The following COCH variants were observed in gnomAD, a reference collection of about 807,000 sequenced individuals.
The protein encoded by COCH is coagulation factor C homolog, cochlin (Limulus polyphemus).
A neutral mutation model predicts 54.8 loss-of-function variants in COCH; 40 were observed. The observed-to-expected ratio is 0.73, with a 90% CI of 0.57 to 0.95. COCH has a LOEUF of 0.95. Ranked by LOEUF, COCH falls within the 40% of genes least tolerant of loss-of-function variation. The pLI, the probability that COCH is intolerant of heterozygous loss-of-function variation, is 0.00. For missense variants in COCH, 605 were observed against 675.0 expected (o/e 0.90, Z 1.15); for synonymous variants, 256 against 237.9 (o/e 1.08, Z -0.70).
intron 11 of COCH, 94 bp from the exon 12 acceptor site, chr14:30,889,522 C>T (rs1299808072): frequency 8.8e-7 from 1 of 1,132,476 alleles, no homozygotes; most frequent in African/African-American, 1.5e-5. Context: ...GTTTTCGCTG[C>T]AACTATGTAA....
At chr14:30,883,112 C>A (rs12889878) in intron 8 of COCH, among the ~76,000 whole-genome samples, 3,931 of 152,154 alleles carry the variant, frequency 0.026, 67 homozygotes, top group Middle Eastern at 0.058. Flanking sequence ...TTGTCTCTCA[C>A]CCTTAAAAAA....
chr14:30,874,969 C>T lies in COCH; in HGVS notation c.31C>T (p.Leu11Phe), dbSNP rs776423642. 6.2e-7 allele frequency: 1 copy of T among 1,613,440 alleles called. No homozygotes were observed. Among genetic ancestry groups the T allele is most frequent in the South Asian group, 1.1e-5 (1 of 91,084 alleles). Residue 11 changes from leucine to phenylalanine, a missense_variant, in exon 2 of 12, where the codon CTC (leucine) becomes TTC (phenylalanine). Physicochemically the swap from Leu to Phe is conservative, Grantham distance 22. Transcript: ENST00000396618. ...CGCAGCCTGGATCCCGGCTCTCGGC[C>T]TCGGTGGGTGCGCGCCCCTCACGAC... is the stretch of plus-strand genomic sequence containing the variant. MSAAWIPALG[L>F]GVCLLLLPGP...
rs1224247674 is a variant in COCH, at chr14:30,880,569, T to C, written c.482-18T>C. The stretch of plus-strand genomic sequence containing the variant: ...CTCTTGAGACTGCTAATGAGGGGAC[T>C]GGTTTGGTTGTTCGCAGATTGTAAA... On this transcript the variant is annotated intron_variant, in intron 7 of 11. Transcript: ENST00000396618. 1 of 1,614,068 alleles carries C rather than the reference T, an allele frequency of 6.2e-7. No homozygotes were observed. The highest frequency in any genetic ancestry group is 1.3e-5 in the African/African-American group (1 of 74,924).
chr14:30,893,127 ATTACAAACGGCAAAAACCACAATTTTT>A (rs1383760857), downstream of COCH, among the ~76,000 whole-genome samples: 1 of 139,574 alleles, frequency 7.2e-6, no homozygotes, highest in Non-Finnish European at 1.6e-5. Context: ...AAAAACCACA[ATTACAAACGGCAAAAACCACAATTTTT>A]TTTTTTTTTT....
At chr14:30,876,129 A>C (rs1379836581) in intron 3 of COCH, 6 of 152,198 alleles carry the variant, frequency 3.9e-5, no homozygotes, top group African/African-American at 1.2e-4. Context: ...TTGGAAAAAA[A>C]AGGTTTTTAA....
intron 8 of COCH, among the ~76,000 whole-genome samples, chr14:30,882,188 G>A (rs1227363686): frequency 5.0e-5 from 6 of 120,030 alleles, no homozygotes; most frequent in African/African-American, 1.9e-4. Context: ...GGAATGCAAT[G>A]GCACGATCTT....
downstream of COCH, chr14:30,895,094 G>GA (rs575478418): frequency 0.013 from 1,399 of 106,948 alleles, 4 homozygotes; most frequent in African/African-American, 0.022. Context: ...AAGAAGAAGA[G>GA]AAAAAAAAAA....
chr14:30,889,223 C>A, intron 11 of COCH: 1 of 246,086 alleles, frequency 4.1e-6, no homozygotes, highest in Non-Finnish European at 8.0e-6. Context: ...TGCAGGCCAA[C>A]CTCATACGGA....
At chr14:30,885,316 CAT>C in intron 9 of COCH, 76 bp from the exon 10 acceptor site, 1 of 1,252,570 alleles carries the variant, frequency 8.0e-7, no homozygotes, top group South Asian at 1.2e-5. Flanking sequence ...AACTTTGCAG[CAT>C]CAAATGCTAC....
At chr14:30,885,650 A>T in intron 10 of COCH, 30 bp downstream of exon 10, 1 of 1,479,158 alleles carries the variant, frequency 6.8e-7, no homozygotes, top group African/African-American at 1.4e-5. Flanking sequence ...CTTCTGTTAC[A>T]GTGATGGGTA....
At chr14:30,894,943 T>C (rs747450536), downstream of COCH, 3 of 1,102,276 alleles carry the variant, frequency 2.7e-6, no homozygotes, top group Non-Finnish European at 3.4e-6. Context: ...ATCTGTGGCA[T>C]TCAACCGATA....
At chr14:30,885,343 G>A (rs750198163) in intron 9 of COCH, 51 bp from the exon 10 acceptor site, 31 of 1,416,356 alleles carry the variant, frequency 2.2e-5, no homozygotes, top group Non-Finnish European at 2.9e-5. Context: ...AAACAGAAAT[G>A]TGGTTTGAGC....
Position 30,889,624 on chromosome 14 carries a change from A to G in COCH, c.1486A>G (p.Ile496Val). Residue 496 changes from isoleucine (I) to valine (V), a missense_variant, in exon 12 of 12, where the codon ATC becomes GTC. Physicochemically the swap from Ile to Val is conservative, Grantham distance 29. Coordinates refer to ENST00000396618, the MANE Select transcript of COCH (RefSeq NM_004086.3). ...AAATGTTTTCATTGTAGGAATCACT[A>G]TCTTCTCTGTTGGTGTGGCTTGGGC... ...AAAAHDAGIT[I>V]FSVGVAWAPL... 1.9e-6 allele frequency: 3 copies of G among 1,613,858 alleles called. No homozygotes were observed. The highest frequency in any genetic ancestry group is 2.5e-6 in the Non-Finnish European group (3 of 1,179,774).
At position 30,878,929 on chromosome 14, in the gene COCH, T is replaced by G; in HGVS notation, c.358T>G (p.Ser120Ala). The part of the protein sequence containing the change: ...QSQMLSRWSA[S>A]FTVTKGKSST... ...TCAAATGCTTTCTAGATGGTCTGCTTCTTTCACAGTAACTAGTAGGTATAA... is the reference window on the plus strand; with the variant it reads ...TCAAATGCTTTCTAGATGGTCTGCTGCTTTCACAGTAACTAGTAGGTATAA... The change falls in exon 5 of 12, where the codon TCT becomes GCT. Residue 120 changes from serine (S) to alanine (A), a missense_variant. Coordinates refer to ENST00000396618, the MANE Select transcript of COCH (RefSeq NM_004086.3). 1.9e-6 allele frequency: 3 copies of G among 1,614,120 alleles called. No individual in the cohort carries two copies. Among genetic ancestry groups the G allele is most frequent in the Non-Finnish European group, 2.5e-6 (3 of 1,180,004 alleles).
rs1438776865 is a variant in COCH, at chr14:30,890,478, C to A, written c.*687C>A. The A allele has an allele frequency of 1.1e-6, 1 of 937,474 alleles. No individual in the cohort carries two copies. The allele number at this position is 937,474 out of a possible 1,614,324, so 58.1% of individuals were successfully genotyped here. ...TATATTTGGCTTATATTCTAAGTCA[C>A]CTAAGTACTTAAAAGTTAAGTTGGT... is the stretch of plus-strand genomic sequence containing the variant. On this transcript the variant is annotated 3_prime_UTR_variant, in exon 12 of 12. Coordinates refer to ENST00000396618, the MANE Select transcript of COCH (RefSeq NM_004086.3).
chr14:30,879,566 T>C (rs1318303884), intron 6 of COCH, 81 bp downstream of exon 6: 38 of 1,425,980 alleles, frequency 2.7e-5, no homozygotes, highest in Admixed American at 1.5e-4. Flanking sequence ...GGTAGAAGCT[T>C]TTCTTAAAGA....
chr14:30,889,576 GA>G lies in COCH; in HGVS notation c.1478-39del, dbSNP rs771588584. The G allele has an allele frequency of 3.3e-5, 52 of 1,568,570 alleles. 1 individual carries two copies. In the East Asian group the frequency reaches 1.2e-3, roughly 35 times the overall value. On this transcript the variant is annotated intron_variant, in intron 11 of 11. Coordinates refer to ENST00000396618, the MANE Select transcript of COCH (RefSeq NM_004086.3). Reference sequence around the variant, plus strand: ...TAGACATAATTCCATATATTAGCTAGACCTGATTTTCAATTCACTTTAAAAT... The same window carrying G: ...TAGACATAATTCCATATATTAGCTAGCCTGATTTTCAATTCACTTTAAAAT...
Position 30,878,925 on chromosome 14 carries a change from T to G in COCH, c.354T>G (p.Ser118=). 6.2e-7 allele frequency: 1 copy of G among 1,614,176 alleles called. No homozygotes were observed. Among genetic ancestry groups the G allele is most frequent in the Non-Finnish European group, 8.5e-7 (1 of 1,180,026 alleles). ...GIQSQMLSRW[S]ASFTVTKGKS... is the part of the protein sequence containing the mutation. ...AGTCTCAAATGCTTTCTAGATGGTC[T>G]GCTTCTTTCACAGTAACTAGTAGGT... The change falls in exon 5 of 12, where the codon TCT becomes TCG. Residue 118 remains serine, a synonymous_variant. Coordinates refer to ENST00000396618, the MANE Select transcript of COCH (RefSeq NM_004086.3).
At position 30,885,862 on chromosome 14, in the gene COCH, G is replaced by A. The variant is rs544358450; in HGVS notation, c.1027G>A (p.Val343Ile). 48 of 1,614,100 alleles carry A rather than the reference G, an allele frequency of 3.0e-5. No individual in the cohort carries two copies. Among genetic ancestry groups the A allele is most frequent in the Middle Eastern group, 1.6e-4 (1 of 6,062 alleles). ...MPNWFGTTKYVKPLVQKLCTH... is the reference protein window; with the variant it reads ...MPNWFGTTKYIKPLVQKLCTH... The stretch of plus-strand genomic sequence containing the variant: ...CAACTGGTTTGGCACCACAAAATAC[G>A]TAAAGCCTCTGGTACAGAAGCTGTG... The change falls in exon 11 of 12, where the codon GTA (valine) becomes ATA (isoleucine). Residue 343 changes from valine to isoleucine, a missense_variant. Coordinates refer to ENST00000396618, the MANE Select transcript of COCH (RefSeq NM_004086.3).
Sources: gnomAD v4.1 joint callset for allele counts (sites outside exome capture counted in the v4.1 genomes callset) on GRCh38, gnomAD v4.1.1 for gene constraint, MANE v1.5 for transcripts, NCBI Gene and HGNC (gene_info 2026-07-23, HGNC 2026-07-21) for gene names.